RASEF: variants seen among roughly 807,000 people sequenced by gnomAD.
RASEF encodes RAS and EF-hand domain containing, also known as ras and EF-hand domain-containing protein.
RASEF carries 68 observed loss-of-function variants against 90.1 expected under a neutral mutation model. The ratio of observed to expected loss-of-function variants is 0.75; its 90% CI spans 0.62 to 0.92. The LOEUF (loss-of-function observed/expected upper bound fraction) is 0.92. Among genes scored for constraint, RASEF ranks in the 40% least tolerant of loss-of-function variants. The probability of loss-of-function intolerance (pLI) is 0.00; values close to 1 mark genes in which losing one functional copy is unlikely to be tolerated. For synonymous variants in RASEF, 331 were observed against 345.2 expected, an observed-to-expected ratio of 0.96 and a Z score of 0.46; for missense variants, 949 against 937.2, an observed-to-expected ratio of 1.01 and a Z score of -0.16.
rs189940590 is a variant in RASEF, at chr9:83,061,401, A to C, written c.431+1036T>G. Among the ~76,000 whole-genome samples the C allele has an allele frequency of 1.7e-4, 26 of 152,350 alleles. No individual in the cohort carries two copies. In the East Asian group the frequency reaches 5.0e-3, roughly 29 times the overall value. ...TTTCAATGTTCTGTCTCAGATGTGC[A>C]AACTGCCAACCAAAATGATGCCTTT... On this transcript the variant is annotated intron_variant, in intron 1 of 16. Coordinates refer to ENST00000376447, the MANE Select transcript of RASEF (RefSeq NM_152573.4).
chr9:83,066,346 T>G (rs1254965204), upstream of RASEF, among the ~76,000 whole-genome samples: 1 of 152,208 alleles, frequency 6.6e-6, no homozygotes, highest in East Asian at 1.9e-4. Flanking sequence ...GACCTGCCAC[T>G]CATAAATACA....
intron 2 of RASEF, among the ~76,000 whole-genome samples, chr9:83,025,549 C>G (rs1346713505): frequency 6.6e-6 from 1 of 152,182 alleles, no homozygotes; most frequent in Admixed American, 6.5e-5. Context: ...ATCAAGTCAT[C>G]ATTGATCCTG....
chr9:82,991,759 T>A (rs1828819650), intron 15 of RASEF, among the ~76,000 whole-genome samples: 1 of 152,098 alleles, frequency 6.6e-6, no homozygotes, highest in Non-Finnish European at 1.5e-5. Flanking sequence ...AAGAGATGCA[T>A]AAGGAAGCAA....
At chr9:83,039,020 G>GT (rs1235734913) in intron 1 of RASEF, among the ~76,000 whole-genome samples, 10 of 152,090 alleles carry the variant, frequency 6.6e-5, no homozygotes, top group Non-Finnish European at 1.2e-4. Context: ...CACTGTTCTG[G>GT]TTTTTTTGTT....
chr9:83,008,891 C>CTCATAT (rs57817845), intron 6 of RASEF, among the ~76,000 whole-genome samples: 355 of 19,504 alleles, frequency 0.018, 24 homozygotes, highest in Non-Finnish European at 0.026. Flanking sequence ...AAGTTCTCAT[C>CTCATAT]ATATATATAT....
At chr9:83,030,934 A>C (rs1829634469) in intron 1 of RASEF, among the ~76,000 whole-genome samples, 3 of 147,410 alleles carry the variant, frequency 2.0e-5, no homozygotes, top group African/African-American at 7.6e-5. Flanking sequence ...CCCTCTTTTC[A>C]CTCTCTCCCA....
chr9:83,106,260 A>T, the RASEF span, among the ~76,000 whole-genome samples: 2 of 152,288 alleles, frequency 1.3e-5, no homozygotes, highest in East Asian at 3.9e-4. Flanking sequence ...ACTTGCCCGT[A>T]TCTCTCTGTT....
chr9:83,029,559 AT>A (rs59621078), intron 1 of RASEF, among the ~76,000 whole-genome samples: 71,162 of 130,302 alleles, frequency 0.55, 18,570 homozygotes, highest in African/African-American at 0.66. Flanking sequence ...CACCAAACTA[AT>A]TTTTTTTTTT....
At chr9:83,159,809 T>C in the RASEF span, among the ~76,000 whole-genome samples, 2 of 152,234 alleles carry the variant, frequency 1.3e-5, no homozygotes, top group African/African-American at 4.8e-5. Context: ...TCTTGAATTG[T>C]AACTCCCTCG....
In RASEF at chr9:83,036,977, A is replaced by G. The variant is rs150584179; in HGVS notation, c.432-11056T>C. On this transcript the variant is annotated intron_variant, in intron 1 of 16. Coordinates refer to ENST00000376447, the MANE Select transcript of RASEF (RefSeq NM_152573.4). Reference sequence around the variant, plus strand: ...CTAAAGTGATACCATGGTGCCCTACATACAGTGGTATCATTAGCCACATGA... The same window carrying G: ...CTAAAGTGATACCATGGTGCCCTACGTACAGTGGTATCATTAGCCACATGA... Among the ~76,000 whole-genome samples the G allele has an allele frequency of 6.4e-3, 968 of 152,202 alleles. 10 individuals are homozygous for G. Among genetic ancestry groups the G allele is most frequent in the Admixed American group, 9.2e-3 (141 of 15,290 alleles).
At chr9:83,131,087 C>T in the RASEF span, among the ~76,000 whole-genome samples, 4 of 152,284 alleles carry the variant, frequency 2.6e-5, no homozygotes, top group African/African-American at 4.8e-5. Flanking sequence ...AGTCAGACAA[C>T]GTGATCTCCT....
Position 83,022,435 on chromosome 9 carries a change from C to T in RASEF, c.579-9G>A, listed in dbSNP as rs558469350. 3.8e-5 allele frequency: 60 copies of T among 1,597,222 alleles called. No individual in the cohort carries two copies. Among genetic ancestry groups the T allele is most frequent in the Non-Finnish European group, 5.2e-5 (60 of 1,164,818 alleles). The stretch of plus-strand genomic sequence containing the variant: ...CTGCCTTGTCCTGGGCTCTGAAATT[C>T]AAAAGGATGCACACCTTTTCATTAT... On this transcript the variant is annotated splice_polypyrimidine_tract_variant and intron_variant, in intron 2 of 16. Transcript: ENST00000376447.
the RASEF span, among the ~76,000 whole-genome samples, chr9:83,144,400 G>GAA: frequency 9.6e-6 from 1 of 104,342 alleles, no homozygotes; most frequent in African/African-American, 3.9e-5. Flanking sequence ...AGGAAAGAAA[G>GAA]AAAGAAAGAA....
At chr9:83,129,159 A>G in the RASEF span, among the ~76,000 whole-genome samples, 1 of 152,106 alleles carries the variant, frequency 6.6e-6, no homozygotes, top group Admixed American at 6.5e-5. Flanking sequence ...GTCCATCACT[A>G]ACTTTGGGAG....
chr9:83,058,048 C>T (rs1830132162), intron 1 of RASEF, among the ~76,000 whole-genome samples: 1 of 150,896 alleles, frequency 6.6e-6, no homozygotes, highest in Non-Finnish European at 1.5e-5. Flanking sequence ...TGGAATCCAT[C>T]AGTCTCTCTT....
chr9:83,057,563 G>T (rs1587528780), intron 1 of RASEF, among the ~76,000 whole-genome samples: 1 of 152,226 alleles, frequency 6.6e-6, no homozygotes, highest in East Asian at 1.9e-4. Context: ...CAGATGTTAG[G>T]ATCCCGGTTC....
chr9:83,001,567 C>G (rs1481354375), intron 9 of RASEF, among the ~76,000 whole-genome samples: 1 of 152,112 alleles, frequency 6.6e-6, no homozygotes, highest in African/African-American at 2.4e-5. Flanking sequence ...AGAGCCCAAA[C>G]AGAAAAGGCA....
At chr9:83,021,167 C>G (rs981677638) in intron 3 of RASEF, among the ~76,000 whole-genome samples, 1 of 152,230 alleles carries the variant, frequency 6.6e-6, no homozygotes, top group Non-Finnish European at 1.5e-5. Flanking sequence ...ATTGCAGGCA[C>G]CGTGCTAGGC....
the RASEF span, among the ~76,000 whole-genome samples, chr9:83,095,681 G>A: frequency 2.4e-4 from 37 of 151,510 alleles, 1 homozygote; most frequent in Non-Finnish European, 1.2e-4. Context: ...CCCTCTTTAC[G>A]GCTGAGTGAA....
Sources: allele counts gnomAD v4.1 joint callset (sites outside exome capture counted in the v4.1 genomes callset), GRCh38; gene constraint gnomAD v4.1.1; transcripts MANE v1.5; gene names NCBI Gene and HGNC (gene_info 2026-07-23, HGNC 2026-07-21).